HLCS: variants seen among roughly 807,000 people sequenced by gnomAD.
The protein encoded by HLCS is holocarboxylase synthetase, also known as biotin--protein ligase.
In HLCS, 53 loss-of-function variants were observed where a neutral mutation model predicts 75.0. That is an observed-to-expected ratio of 0.71 (90% CI 0.57 to 0.89). HLCS has a LOEUF of 0.89. HLCS is among the 40% of genes least tolerant of loss of function. The pLI, the probability that HLCS is intolerant of heterozygous loss-of-function variation, is 0.00. For synonymous variants in HLCS, 431 were observed against 428.6 expected, an observed-to-expected ratio of 1.01 and a Z score of -0.07; for missense variants, 966 against 1,074.0, an observed-to-expected ratio of 0.90 and a Z score of 1.41.
In HLCS at chr21:36,759,857, C is replaced by T. The variant is rs777016577; in HGVS notation, c.2122-16G>A. On this transcript the variant is annotated splice_polypyrimidine_tract_variant and intron_variant, in intron 8 of 10. Transcript: ENST00000674895. ...AGTTGATATCCTAAAGGGAAATCTG[C>T]ACATTAATTAAGCCGTCACAGGACA... 18 of 1,504,452 alleles carry T rather than the reference C, an allele frequency of 1.2e-5. No homozygotes were observed. Among genetic ancestry groups the T allele is most frequent in the Non-Finnish European group, 1.4e-5 (15 of 1,080,062 alleles). 93.2% of individuals were successfully genotyped at this position (1,504,452 alleles called of 1,614,324 possible).
intron 6 of HLCS, among the ~76,000 whole-genome samples, chr21:36,788,432 T>C (rs1375873708): frequency 6.6e-6 from 1 of 152,246 alleles, no homozygotes; most frequent in Non-Finnish European, 1.5e-5. Context: ...GCCCACGGAA[T>C]GACCCTCATA....
At chr21:36,849,489 C>T (rs938574128) in intron 6 of HLCS, among the ~76,000 whole-genome samples, 1 of 152,186 alleles carries the variant, frequency 6.6e-6, no homozygotes, top group Admixed American at 6.5e-5. Context: ...AGAAAAGGAG[C>T]CCCTGGGGGC....
chr21:36,979,487 T>C (rs1169412184), intron 1 of HLCS, among the ~76,000 whole-genome samples: 1 of 152,168 alleles, frequency 6.6e-6, no homozygotes, highest in Admixed American at 6.5e-5. Flanking sequence ...TTGAGTCTCC[T>C]ATAGGGGGGT....
At position 36,936,659 on chromosome 21, in the gene HLCS, T is replaced by G. The variant is rs776771975; in HGVS notation, c.1227A>C (p.Ala409=). The change falls in exon 4 of 11, where the codon GCA becomes GCC. Residue 409 remains alanine (A), a synonymous_variant. Transcript: ENST00000674895. ...FGGFQVTSKG[A]LHKTVQNLVF... ...CCAAGTTCTGGACTGTCTTGTGCAG[T>G]GCACCCTTGCTTGTCACCTGAAAGC... 5 of 1,614,122 alleles carry G rather than the reference T, an allele frequency of 3.1e-6. No homozygotes were observed. Among genetic ancestry groups the G allele is most frequent in the East Asian group, 4.5e-5 (2 of 44,894 alleles).
chr21:36,792,744 G>A (rs2060908310), intron 6 of HLCS, among the ~76,000 whole-genome samples: 1 of 152,104 alleles, frequency 6.6e-6, no homozygotes, highest in Admixed American at 6.5e-5. Context: ...CCAACAACCT[G>A]TGTCTCACTC....
intron 2 of HLCS, among the ~76,000 whole-genome samples, chr21:36,939,514 C>G (rs2067044945): frequency 6.6e-6 from 1 of 152,178 alleles, no homozygotes; most frequent in Non-Finnish European, 1.5e-5. Flanking sequence ...GTCCAGGAAT[C>G]AGGATTTAAA....
intron 5 of HLCS, among the ~76,000 whole-genome samples, chr21:36,917,428 C>T (rs1350273448): frequency 6.6e-6 from 1 of 152,144 alleles, no homozygotes; most frequent in African/African-American, 2.4e-5. Context: ...AGCCCAAATG[C>T]AGGGCGCACT....
intron 6 of HLCS, among the ~76,000 whole-genome samples, chr21:36,860,278 C>T (rs1005789298): frequency 1.3e-5 from 2 of 151,886 alleles, no homozygotes; most frequent in Non-Finnish European, 2.9e-5. Flanking sequence ...TAGTTAGTGG[C>T]GGGGCGGGAC....
chr21:36,861,466 T>C (rs1425843501), intron 6 of HLCS, among the ~76,000 whole-genome samples: 1 of 152,208 alleles, frequency 6.6e-6, no homozygotes, highest in Admixed American at 6.5e-5. Flanking sequence ...TGTCAGAGGT[T>C]TGGTGTACAG....
Position 36,842,944 on chromosome 21 carries a change from C to G in HLCS, c.1892+53916G>C, listed in dbSNP as rs1253579017. ...CCAATGATCTCTTTACATTTCTAAG[C>G]CTGGCATCTCTCTGTTGCTTTGCAC... On this transcript the variant is annotated intron_variant, in intron 6 of 10. Coordinates refer to ENST00000674895, the MANE Select transcript of HLCS (RefSeq NM_001352514.2). The surrounding 1 kb of genome is among the most constrained non-coding windows in gnomAD (Gnocchi z 4.2). 6.6e-6 allele frequency among the ~76,000 whole-genome samples: 1 copy of G among 152,184 alleles called. No homozygotes were observed. The highest frequency in any genetic ancestry group is 1.9e-4 in the East Asian group (1 of 5,192).
chr21:36,850,848 C>T (rs2062974739), intron 6 of HLCS, among the ~76,000 whole-genome samples: 1 of 152,174 alleles, frequency 6.6e-6, no homozygotes, highest in Non-Finnish European at 1.5e-5. Flanking sequence ...CAGCGAGGAG[C>T]TCCCCTATCC....
intron 6 of HLCS, among the ~76,000 whole-genome samples, chr21:36,834,805 C>T (rs1167432885): frequency 2.0e-5 from 3 of 152,236 alleles, no homozygotes; most frequent in African/African-American, 7.2e-5. Flanking sequence ...CCGCCTGCCT[C>T]GGCCTCCCAT....
chr21:36,922,999 C>T (rs1343237557), intron 5 of HLCS, among the ~76,000 whole-genome samples: 2 of 152,354 alleles, frequency 1.3e-5, no homozygotes, highest in East Asian at 3.9e-4. Flanking sequence ...CCACCAGCTC[C>T]GCGGCCCGGG....
chr21:36,884,190 C>T (rs1329337626), intron 6 of HLCS, among the ~76,000 whole-genome samples: 3 of 152,212 alleles, frequency 2.0e-5, no homozygotes, highest in Non-Finnish European at 4.4e-5. Flanking sequence ...AATCTGGCTG[C>T]CTTCAGCCAA....
chr21:36,902,835 T>C (rs1217222748), intron 5 of HLCS, among the ~76,000 whole-genome samples: 2 of 151,968 alleles, frequency 1.3e-5, no homozygotes, highest in Non-Finnish European at 2.9e-5. Context: ...GTCCGCATGA[T>C]TTTGTGTTTT....
At chr21:36,965,948 G>A (rs890461969) in intron 1 of HLCS, among the ~76,000 whole-genome samples, 2 of 148,582 alleles carry the variant, frequency 1.3e-5, no homozygotes, top group African/African-American at 4.9e-5. Context: ...TTTGTAGAGA[G>A]GGGTCTAGCT....
intron 6 of HLCS, among the ~76,000 whole-genome samples, chr21:36,774,710 A>G (rs2060305553): frequency 6.6e-6 from 1 of 152,160 alleles, no homozygotes; most frequent in African/African-American, 2.4e-5. Flanking sequence ...GGTGATCTCT[A>G]TCTGGGCTAA....
rs754581916 is a variant in HLCS at position 36,927,344 on chromosome 21, G to A, written c.1620+2907C>T. On this transcript the variant is annotated intron_variant, in intron 5 of 10. Coordinates refer to ENST00000674895, the MANE Select transcript of HLCS (RefSeq NM_001352514.2). ...TGTCTGGGTGTCGATGAAGGTCTCCGAGCACATCCTTCCCAAATGCCAAGG... is the reference window on the plus strand; with the variant it reads ...TGTCTGGGTGTCGATGAAGGTCTCCAAGCACATCCTTCCCAAATGCCAAGG... Among the ~76,000 whole-genome samples the A allele has an allele frequency of 1.4e-4, 22 of 152,336 alleles. 1 individual carries two copies. The highest frequency in any genetic ancestry group is 3.4e-3 in the Middle Eastern group (1 of 294).
At position 36,750,407 on chromosome 21, in the gene HLCS, T is replaced by G. The variant is rs958841153; in HGVS notation, c.*3839A>C. ...AGAAAAGCCATTCCATTCATACCTTTGTAGAGCAGTGGGCTGGGTGTGGAG... is the reference window on the plus strand; with the variant it reads ...AGAAAAGCCATTCCATTCATACCTTGGTAGAGCAGTGGGCTGGGTGTGGAG... On this transcript the variant is annotated 3_prime_UTR_variant, in exon 11 of 11. Transcript: ENST00000674895. Among the ~76,000 whole-genome samples, 7 of 152,188 alleles carry G rather than the reference T, an allele frequency of 4.6e-5. No individual in the cohort carries two copies. The highest frequency in any genetic ancestry group is 1.4e-4 in the African/African-American group (6 of 41,442).
Sources: allele counts gnomAD v4.1 joint callset (sites outside exome capture counted in the v4.1 genomes callset), GRCh38; gene constraint gnomAD v4.1.1; non-coding constraint Gnocchi (gnomAD v3.1); transcripts MANE v1.5; gene names NCBI Gene and HGNC (gene_info 2026-07-23, HGNC 2026-07-21).